Variants in EXT1 observed in about 807,000 individuals in gnomAD.
EXT1 encodes exostosin-1.
Under a neutral mutation model 82.5 loss-of-function variants are expected in EXT1, and 20 were observed. The ratio of observed to expected loss-of-function variants is 0.24; its 90% confidence interval spans 0.17 to 0.35. The LOEUF is 0.35. EXT1 is among the 10% of genes least tolerant of loss of function. The pLI, the probability that EXT1 is intolerant of heterozygous loss-of-function variation, is 1.00. For missense variants in EXT1, 757 were observed against 936.5 expected (o/e 0.81, Z 2.50); for synonymous variants, 348 against 350.8 (o/e 0.99, Z 0.09).
intron 1 of EXT1, among the ~76,000 whole-genome samples, chr8:117,934,312 G>C (rs1264460751): frequency 6.6e-6 from 1 of 152,206 alleles, no homozygotes; most frequent in African/African-American, 2.4e-5. Context: ...GAAGGATCCA[G>C]GGAGGCAGAG....
intron 1 of EXT1, among the ~76,000 whole-genome samples, chr8:117,874,661 G>A (rs762302721): frequency 3.3e-5 from 5 of 150,134 alleles, no homozygotes; most frequent in Non-Finnish European, 5.9e-5. Flanking sequence ...CCCCTCAATT[G>A]ATCTACTCTG....
rs1817891114 is a variant in EXT1 at position 118,110,929 on chromosome 8, G to A, written c.118C>T (p.His40Tyr). The A allele has an allele frequency of 6.2e-7, 1 of 1,613,922 alleles. No homozygotes were observed. The highest frequency in any genetic ancestry group is 1.1e-5 in the South Asian group (1 of 91,076). ...ASRSHSRREE[H>Y]SGRNGLHHPS... ...TGGTGCAAGCCATTCCTACCGCTGT[G>A]TTCTTCTCTCCGGCTGTGGCTCCTC... Residue 40 changes from histidine (H) to tyrosine (Y), a missense_variant, in exon 1 of 11, where the codon CAC becomes TAC. His to Tyr is a moderately conservative substitution (Grantham distance 83). Coordinates refer to ENST00000378204, the MANE Select transcript of EXT1 (RefSeq NM_000127.3).
chr8:117,970,305 T>C (rs990841055), intron 1 of EXT1, among the ~76,000 whole-genome samples: 1 of 129,284 alleles, frequency 7.7e-6, no homozygotes, highest in African/African-American at 3.4e-5. Context: ...GGAATCTACA[T>C]TTTTTTTTTT....
intron 1 of EXT1, among the ~76,000 whole-genome samples, chr8:117,854,176 T>A (rs1812502158): frequency 6.6e-6 from 1 of 152,186 alleles, no homozygotes; most frequent in Admixed American, 6.5e-5. Context: ...AGAAGGGAAT[T>A]TCAGTTATTA....
chr8:117,902,200 C>A (rs891746652), intron 1 of EXT1, among the ~76,000 whole-genome samples: 1 of 151,734 alleles, frequency 6.6e-6, no homozygotes, highest in Non-Finnish European at 1.5e-5. Flanking sequence ...GACAACAATG[C>A]CTTCTTCTGA....
chr8:117,837,257 A>G, intron 1 of EXT1, 56 bp from the exon 2 acceptor site: 2 of 1,438,822 alleles, frequency 1.4e-6, no homozygotes, highest in Non-Finnish European at 2.0e-6. Flanking sequence ...ATGTGGGGAT[A>G]TTGACCATAG....
chr8:118,013,673 C>G (rs979252251), intron 1 of EXT1, among the ~76,000 whole-genome samples: 1 of 152,232 alleles, frequency 6.6e-6, no homozygotes, highest in African/African-American at 2.4e-5. Context: ...TACCCACATA[C>G]AGGGTTGCTT....
chr8:118,070,931 T>C (rs1013711265), intron 1 of EXT1, among the ~76,000 whole-genome samples: 5 of 152,196 alleles, frequency 3.3e-5, no homozygotes, highest in Non-Finnish European at 5.9e-5. Flanking sequence ...AGGATGCGAT[T>C]TGAATGTTCC....
chr8:117,983,926 G>C (rs915850076), intron 1 of EXT1, among the ~76,000 whole-genome samples: 3 of 152,210 alleles, frequency 2.0e-5, no homozygotes, highest in Non-Finnish European at 4.4e-5. Context: ...TCTTCAGAGA[G>C]TTGTAGTTGA....
chr8:117,856,996 C>G (rs1398988841), intron 1 of EXT1, among the ~76,000 whole-genome samples: 1 of 152,126 alleles, frequency 6.6e-6, no homozygotes, highest in Non-Finnish European at 1.5e-5. Flanking sequence ...GTATATTTAG[C>G]TTTAAAGCTA....
chr8:117,822,328 T>A (rs17474483), intron 5 of EXT1, 137 bp downstream of exon 5: 6 of 992,190 alleles, frequency 6.0e-6, no homozygotes, highest in Non-Finnish European at 9.2e-6. Flanking sequence ...ATGTCACTTA[T>A]AACAAGGCTC....
At chr8:118,006,565 C>T (rs895229432) in intron 1 of EXT1, among the ~76,000 whole-genome samples, 2 of 152,114 alleles carry the variant, frequency 1.3e-5, no homozygotes, top group African/African-American at 4.8e-5. Context: ...TAATGGGGGA[C>T]AACTGTGGTT....
chr8:118,007,409 A>G (rs1411433705), intron 1 of EXT1, among the ~76,000 whole-genome samples: 1 of 152,178 alleles, frequency 6.6e-6, no homozygotes, highest in African/African-American at 2.4e-5. Context: ...CCACCATCCT[A>G]AGCAACCTAA....
intron 1 of EXT1, among the ~76,000 whole-genome samples, chr8:118,079,018 C>G (rs1264363928): frequency 6.6e-6 from 1 of 152,150 alleles, no homozygotes; most frequent in Non-Finnish European, 1.5e-5. Flanking sequence ...CCTGTTTTTG[C>G]TGTAAAAGTT....
chr8:118,001,614 G>C lies in EXT1; in HGVS notation c.962+108471C>G, dbSNP rs546038685. On this transcript the variant is annotated intron_variant, in intron 1 of 10. Transcript: ENST00000378204. ...ACAAAAATAAGAAGAATAAGATTAAGATACATTTTAAAATAATTTTTATCT... is the reference window on the plus strand; with the variant it reads ...ACAAAAATAAGAAGAATAAGATTAACATACATTTTAAAATAATTTTTATCT... Among the ~76,000 whole-genome samples, 5 of 152,046 alleles carry C rather than the reference G, an allele frequency of 3.3e-5. No individual in the cohort carries two copies. In the East Asian group the frequency reaches 9.6e-4, roughly 29 times the overall value.
chr8:117,901,980 G>T (rs1440467280), intron 1 of EXT1, among the ~76,000 whole-genome samples: 1 of 151,724 alleles, frequency 6.6e-6, no homozygotes, highest in East Asian at 1.9e-4. Flanking sequence ...TTATAGGTGT[G>T]AGCCACTGCG....
In EXT1 at chr8:117,819,650, G is replaced by C. The variant is rs772965556; in HGVS notation, c.1536+26C>G. The C allele has an allele frequency of 1.4e-5, 23 of 1,592,170 alleles. 1 individual carries two copies. The South Asian group carries it at 2.5e-4, about 18-fold the overall frequency. ...CTGGTCTGGAGCTGGAGCAGGCAGG[G>C]GCTTCTCTGTCAACTTCCCGCTCAC... On this transcript the variant is annotated intron_variant, in intron 6 of 10. Transcript: ENST00000378204.
intron 1 of EXT1, among the ~76,000 whole-genome samples, chr8:117,855,670 CTTTA>C (rs977139019): frequency 4.6e-5 from 7 of 152,128 alleles, no homozygotes; most frequent in South Asian, 2.1e-4. Flanking sequence ...ACGTCTCTCA[CTTTA>C]TTTATTTATT....
chr8:117,909,095 G>A (rs1813596516), intron 1 of EXT1, among the ~76,000 whole-genome samples: 1 of 151,548 alleles, frequency 6.6e-6, no homozygotes, highest in Non-Finnish European at 1.5e-5. Context: ...TCGGGCCGTT[G>A]GACTCCAGCC....
Sources: gnomAD v4.1 joint callset for allele counts (sites outside exome capture counted in the v4.1 genomes callset) on GRCh38, gnomAD v4.1.1 for gene constraint, MANE v1.5 for transcripts, NCBI Gene and HGNC (gene_info 2026-07-23, HGNC 2026-07-21) for gene names.